RBFOX2: variants seen among roughly 807,000 people sequenced by gnomAD.
RBFOX2 encodes the protein RNA binding fox-1 homolog 2, also known as RNA binding protein fox-1 homolog 2.
In RBFOX2, 10 loss-of-function variants were observed where a neutral mutation model predicts 49.1. That is an observed-to-expected ratio of 0.20 (90% CI 0.13 to 0.35). The LOEUF (loss-of-function observed/expected upper bound fraction) is 0.35. RBFOX2 is among the 10% of genes least tolerant of loss of function. RBFOX2 has a pLI of 1.00. For missense variants in RBFOX2, 323 were observed against 486.9 expected (o/e 0.66, Z 3.17); for synonymous variants, 183 against 187.4 (o/e 0.98, Z 0.19).
chr22:35,809,701 T>C, intron 2 of RBFOX2, 79 bp downstream of exon 3: 1 of 1,456,192 alleles, frequency 6.9e-7, no homozygotes, highest in Non-Finnish European at 9.6e-7. Flanking sequence ...TCCGAGAGTC[T>C]TCTAATTGTA....
At chr22:35,928,468 G>A (rs879855086) in intron 1 of RBFOX2, among the ~76,000 whole-genome samples, 1 of 152,208 alleles carries the variant, frequency 6.6e-6, no homozygotes, top group Non-Finnish European at 1.5e-5. Flanking sequence ...GGAGAAGGCT[G>A]TAGCCAAGCA....
At chr22:35,839,627 A>G (rs1958375485) in intron 1 of RBFOX2, among the ~76,000 whole-genome samples, 2 of 152,248 alleles carry the variant, frequency 1.3e-5, no homozygotes, top group Non-Finnish European at 2.9e-5. Flanking sequence ...TCACACCTGA[A>G]TGCTCCTACT....
chr22:35,953,583 T>C (rs1345483660), intron 1 of RBFOX2, among the ~76,000 whole-genome samples: 2 of 152,228 alleles, frequency 1.3e-5, no homozygotes, highest in South Asian at 2.1e-4. Context: ...TACATGGAGA[T>C]AGTGGTTGTA....
At chr22:35,746,024 TAAAG>T (rs1285712489) in intron 10 of RBFOX2, 29 bp from the exon 13 acceptor site, 2 of 1,577,582 alleles carry the variant, frequency 1.3e-6, no homozygotes, top group South Asian at 1.1e-5. Context: ...ATCAGACAGA[TAAAG>T]AAAAGTGTAT....
chr22:35,964,529 A>C (rs930142634), upstream of RBFOX2, among the ~76,000 whole-genome samples: 2 of 152,222 alleles, frequency 1.3e-5, no homozygotes, highest in Non-Finnish European at 2.9e-5. Flanking sequence ...ATAATATTTG[A>C]GATGAAAAAA....
chr22:35,971,197 G>A (rs1431992000), intron 1 of RBFOX2, among the ~76,000 whole-genome samples: 1 of 152,092 alleles, frequency 6.6e-6, no homozygotes, highest in East Asian at 1.9e-4. Flanking sequence ...TACTACATGG[G>A]ATGTGGGTGC....
intron 1 of RBFOX2, among the ~76,000 whole-genome samples, chr22:35,974,853 C>A (rs2057065424): frequency 6.6e-6 from 1 of 152,164 alleles, no homozygotes; most frequent in African/African-American, 2.4e-5. Flanking sequence ...GATTCCTCCC[C>A]TGCAGCCTCA....
chr22:35,906,822 C>A (rs1273348175), intron 1 of RBFOX2, among the ~76,000 whole-genome samples: 11 of 151,872 alleles, frequency 7.2e-5, no homozygotes, highest in Admixed American at 7.2e-4. Flanking sequence ...CCCAAACAAA[C>A]AAACAAACAA....
intron 8 of RBFOX2, among the ~76,000 whole-genome samples, chr22:35,760,777 A>G (rs1938527967): frequency 6.6e-6 from 1 of 152,218 alleles, no homozygotes; most frequent in Admixed American, 6.5e-5. Flanking sequence ...TTGCTGGAGT[A>G]AAATGGCTCA....
intron 1 of RBFOX2, among the ~76,000 whole-genome samples, chr22:36,026,588 TCAC>T (rs542071474): frequency 1.7e-3 from 261 of 150,684 alleles, no homozygotes; most frequent in African/African-American, 5.9e-3. Context: ...TAGAACCTGC[TCAC>T]CAGCACCTAC....
intron 3 of RBFOX2, among the ~76,000 whole-genome samples, chr22:35,780,071 C>T (rs558398567): frequency 6.6e-6 from 1 of 152,270 alleles, no homozygotes; most frequent in East Asian, 1.9e-4. Context: ...AACCCAAGTC[C>T]TTTATGCTGC....
intron 1 of RBFOX2, among the ~76,000 whole-genome samples, chr22:35,849,368 TA>T (rs1376641013): frequency 6.6e-6 from 1 of 151,140 alleles, no homozygotes; most frequent in Admixed American, 6.6e-5. Context: ...TCAGAACTTC[TA>T]GGGGTGAATG....
intron 1 of RBFOX2, among the ~76,000 whole-genome samples, chr22:35,814,048 T>C (rs1952459048): frequency 6.6e-6 from 1 of 152,254 alleles, no homozygotes; most frequent in Non-Finnish European, 1.5e-5. Context: ...CAAATGTAAC[T>C]ATTAATTTCT....
chr22:35,928,093 C>T (rs1235808538), intron 1 of RBFOX2, among the ~76,000 whole-genome samples: 2 of 152,070 alleles, frequency 1.3e-5, no homozygotes, highest in African/African-American at 4.8e-5. Context: ...ACTGTAACAA[C>T]CTTTCATAAT....
chr22:35,849,500 G>T (rs2041655953), intron 1 of RBFOX2, among the ~76,000 whole-genome samples: 2 of 152,150 alleles, frequency 1.3e-5, no homozygotes, highest in South Asian at 2.1e-4. Context: ...AGAAAGCCTT[G>T]TAGGCATTTC....
chr22:35,952,821 A>G (rs1263322866), intron 1 of RBFOX2, among the ~76,000 whole-genome samples: 1 of 152,198 alleles, frequency 6.6e-6, no homozygotes, highest in Non-Finnish European at 1.5e-5. Context: ...CATATGACCC[A>G]GCAATTCCAC....
chr22:35,744,064 TTTC>T, exon 12 of RBFOX2: 1 of 692,938 alleles, frequency 1.4e-6, no homozygotes, highest in East Asian at 3.3e-5. Context: ...AAAAGTATTC[TTTC>T]TTTTTTTGTG....
intron 1 of RBFOX2, among the ~76,000 whole-genome samples, chr22:35,863,914 G>C (rs2043380922): frequency 6.6e-6 from 1 of 152,132 alleles, no homozygotes; most frequent in Non-Finnish European, 1.5e-5. Flanking sequence ...GGCAAAGCAT[G>C]CATATATACA....
At chr22:35,985,039 A>C (rs1330589205) in intron 1 of RBFOX2, among the ~76,000 whole-genome samples, 1 of 152,212 alleles carries the variant, frequency 6.6e-6, no homozygotes, top group African/African-American at 2.4e-5. Flanking sequence ...TGATGCGAAG[A>C]AAAGATGACA....
Sources: allele counts gnomAD v4.1 joint callset (sites outside exome capture counted in the v4.1 genomes callset), GRCh38; gene constraint gnomAD v4.1.1; transcripts MANE v1.5; gene names NCBI Gene and HGNC (gene_info 2026-07-23, HGNC 2026-07-21).